Variants in NREP observed in about 807,000 individuals in gnomAD.
NREP encodes the protein neuronal regeneration related protein.
NREP carries 5 observed loss-of-function variants against 8.6 expected under a neutral mutation model. The observed-to-expected ratio is 0.58, with a 90% CI of 0.30 to 1.22. NREP has a LOEUF of 1.22. Among genes scored for constraint, NREP ranks in the 50% most tolerant of loss-of-function variants. The probability of loss-of-function intolerance (pLI) is 0.07; values close to 1 mark genes in which losing one functional copy is unlikely to be tolerated. For missense variants in NREP, 86 were observed against 82.5 expected (o/e 1.04, Z -0.17); for synonymous variants, 27 against 28.0 (o/e 0.96, Z 0.11).
At chr5:111,926,420 G>A (rs745470340) in intron 2 of NREP, among the ~76,000 whole-genome samples, 6 of 152,170 alleles carry the variant, frequency 3.9e-5, no homozygotes, top group Admixed American at 2.0e-4. Context: ...ATTGTGCATC[G>A]CTTGCAGAGG....
intron 2 of NREP, among the ~76,000 whole-genome samples, chr5:111,766,388 C>T (rs947210054): frequency 1.4e-4 from 21 of 152,260 alleles, no homozygotes; most frequent in Admixed American, 7.2e-4. Flanking sequence ...TGCATCAAAA[C>T]GTCAGTGCCT....
At chr5:111,968,073 C>G (rs1418942293) in intron 2 of NREP, among the ~76,000 whole-genome samples, 1 of 151,922 alleles carries the variant, frequency 6.6e-6, no homozygotes, top group Non-Finnish European at 1.5e-5. Context: ...TAAAGACAAA[C>G]AAAAAGGCTT....
intron 2 of NREP, among the ~76,000 whole-genome samples, chr5:111,932,225 T>C (rs1413156989): frequency 6.6e-6 from 1 of 152,026 alleles, no homozygotes; most frequent in Non-Finnish European, 1.5e-5. Flanking sequence ...CATGCTCCTT[T>C]CCTCCAATAA....
chr5:111,895,484 T>C (rs1048798807), intron 2 of NREP, among the ~76,000 whole-genome samples: 7 of 151,928 alleles, frequency 4.6e-5, no homozygotes, highest in Non-Finnish European at 5.9e-5. Context: ...GGTTATATGA[T>C]AGAGAACCCC....
intron 2 of NREP, among the ~76,000 whole-genome samples, chr5:111,895,867 G>C (rs777765686): frequency 6.6e-6 from 1 of 152,184 alleles, no homozygotes; most frequent in Non-Finnish European, 1.5e-5. Context: ...CTTAGAAGGA[G>C]GAGTGATGGG....
chr5:111,800,751 A>T (rs1751984849), intron 2 of NREP, among the ~76,000 whole-genome samples: 1 of 152,224 alleles, frequency 6.6e-6, no homozygotes, highest in African/African-American at 2.4e-5. Flanking sequence ...TAAGCACTCA[A>T]TCAGAATGTG....
At chr5:111,888,491 T>C (rs1581194135) in intron 2 of NREP, among the ~76,000 whole-genome samples, 1 of 152,134 alleles carries the variant, frequency 6.6e-6, no homozygotes, top group South Asian at 2.1e-4. Context: ...TCACTCACTA[T>C]CATGAGAACA....
chr5:111,900,131 TAAC>T (rs1754607097), intron 2 of NREP, among the ~76,000 whole-genome samples: 1 of 151,764 alleles, frequency 6.6e-6, no homozygotes, highest in South Asian at 2.1e-4. Context: ...TAGAAATTAA[TAAC>T]AAGAGAAACT....
chr5:111,824,711 C>T (rs1752583286), intron 2 of NREP, among the ~76,000 whole-genome samples: 1 of 152,152 alleles, frequency 6.6e-6, no homozygotes, highest in South Asian at 2.1e-4. Context: ...GAAAGTTCAT[C>T]AAAAGTAGAT....
intron 2 of NREP, among the ~76,000 whole-genome samples, chr5:111,890,451 C>A (rs1019265635): frequency 2.6e-5 from 4 of 152,190 alleles, no homozygotes; most frequent in African/African-American, 9.6e-5. Flanking sequence ...CTTCTCACAG[C>A]TCCACTAGGC....
intron 2 of NREP, among the ~76,000 whole-genome samples, chr5:111,971,621 G>A (rs1756821027): frequency 6.6e-6 from 1 of 152,068 alleles, no homozygotes; most frequent in Non-Finnish European, 1.5e-5. Context: ...TACATAATGG[G>A]GAAAGAACAG....
Position 111,730,914 on chromosome 5 carries a change from GTT to G in NREP, c.*5_*6del, listed in dbSNP as rs1748487133. 5 of 1,613,748 alleles carry G rather than the reference GTT, an allele frequency of 3.1e-6. No homozygotes were observed. The highest frequency in any genetic ancestry group is 4.2e-6 in the Non-Finnish European group (5 of 1,179,798). On this transcript the variant is annotated 3_prime_UTR_variant, in exon 4 of 4. Coordinates refer to ENST00000257435, the MANE Select transcript of NREP (RefSeq NM_004772.4). ...CACCATATGTAATACAAATGGAGGTGTTACGATTAAAAAAAGTGGAGGTAACT... is the reference window on the plus strand; with the variant it reads ...CACCATATGTAATACAAATGGAGGTGACGATTAAAAAAAGTGGAGGTAACT...
upstream of NREP, chr5:111,757,776 C>G (rs1750828111): frequency 3.1e-6 from 3 of 978,840 alleles, no homozygotes; most frequent in African/African-American, 1.8e-5. Flanking sequence ...CCTCCCCGCC[C>G]CCGGCCAGCC....
chr5:111,811,170 C>A (rs1752261153), intron 2 of NREP, among the ~76,000 whole-genome samples: 1 of 152,070 alleles, frequency 6.6e-6, no homozygotes, highest in Admixed American at 6.6e-5. Context: ...GCCTTTAGAC[C>A]CACTCTTGTC....
chr5:111,910,427 T>TG (rs1441494973), intron 2 of NREP, among the ~76,000 whole-genome samples: 1 of 151,996 alleles, frequency 6.6e-6, no homozygotes, highest in Non-Finnish European at 1.5e-5. Flanking sequence ...CTATCTTTTT[T>TG]GGGGGGTACT....
chr5:111,844,132 G>A (rs1230727255), intron 2 of NREP, among the ~76,000 whole-genome samples: 1 of 152,050 alleles, frequency 6.6e-6, no homozygotes, highest in Non-Finnish European at 1.5e-5. Flanking sequence ...TAAAATATAT[G>A]TTTAAAAAGA....
intron 2 of NREP, among the ~76,000 whole-genome samples, chr5:111,867,604 C>T (rs1271085193): frequency 6.6e-6 from 1 of 151,990 alleles, no homozygotes. Flanking sequence ...TTCATAGCAC[C>T]TATAAATATA....
intron 2 of NREP, among the ~76,000 whole-genome samples, chr5:111,851,189 G>A (rs1359365196): frequency 6.6e-6 from 1 of 152,124 alleles, no homozygotes; most frequent in Non-Finnish European, 1.5e-5. Context: ...ATATGTATAT[G>A]ACATATGTAT....
chr5:111,870,426 A>C (rs1393098942), intron 2 of NREP, among the ~76,000 whole-genome samples: 4 of 152,130 alleles, frequency 2.6e-5, no homozygotes, highest in Non-Finnish European at 1.5e-5. Flanking sequence ...CAAGATTCTG[A>C]CTCAAAAAGA....
Sources: gnomAD v4.1 joint callset for allele counts (sites outside exome capture counted in the v4.1 genomes callset) on GRCh38, gnomAD v4.1.1 for gene constraint, MANE v1.5 for transcripts, NCBI Gene and HGNC (gene_info 2026-07-23, HGNC 2026-07-21) for gene names.